TTBK2: variants seen among roughly 807,000 people sequenced by gnomAD.
TTBK2 encodes the protein tau-tubulin kinase 2.
In TTBK2, 28 loss-of-function variants were observed where a neutral mutation model predicts 110.8. The ratio of observed to expected loss-of-function variants is 0.25; its 90% CI spans 0.19 to 0.35. The LOEUF is 0.35. Among genes scored for constraint, TTBK2 ranks in the 10% least tolerant of loss-of-function variants. TTBK2 has a pLI of 1.00. For synonymous variants in TTBK2, 532 were observed against 527.3 expected (o/e 1.01, Z -0.12); for missense variants, 1,369 against 1,500.3 (o/e 0.91, Z 1.45).
chr15:42,820,671 C>T (rs1892250210), intron 6 of TTBK2, among the ~76,000 whole-genome samples: 1 of 151,694 alleles, frequency 6.6e-6, no homozygotes, highest in Non-Finnish European at 1.5e-5. Flanking sequence ...TTATAGTATG[C>T]CCAAATAATG....
chr15:42,830,961 C>T (rs1475776376), intron 4 of TTBK2, among the ~76,000 whole-genome samples: 2 of 151,564 alleles, frequency 1.3e-5, no homozygotes, highest in Admixed American at 6.6e-5. Context: ...GCCAAGATCA[C>T]GCCACCGCAC....
chr15:42,767,654 C>A (rs533884680), intron 13 of TTBK2, among the ~76,000 whole-genome samples: 8 of 152,064 alleles, frequency 5.3e-5, no homozygotes, highest in East Asian at 3.9e-4. Context: ...CAGGACCAGA[C>A]GGATTCATAG....
At chr15:42,899,039 C>T (rs748523659) in intron 1 of TTBK2, among the ~76,000 whole-genome samples, 1 of 152,162 alleles carries the variant, frequency 6.6e-6, no homozygotes, top group Non-Finnish European at 1.5e-5. Flanking sequence ...GTCACCCAGG[C>T]TGGAGTGCTG....
At chr15:42,903,495 G>A (rs926886951) in intron 1 of TTBK2, among the ~76,000 whole-genome samples, 1 of 152,192 alleles carries the variant, frequency 6.6e-6, no homozygotes, top group Non-Finnish European at 1.5e-5. Flanking sequence ...CTCCTCAGAT[G>A]TAACTATAAA....
At chr15:42,813,271 C>T (rs147212044) in intron 7 of TTBK2, among the ~76,000 whole-genome samples, 198 of 152,220 alleles carry the variant, frequency 1.3e-3, no homozygotes, top group African/African-American at 4.7e-3. Flanking sequence ...CCTGTAATCC[C>T]AGCACTTTGG....
intron 6 of TTBK2, among the ~76,000 whole-genome samples, chr15:42,820,687 C>G (rs1320414496): frequency 6.6e-6 from 1 of 151,472 alleles, no homozygotes; most frequent in Non-Finnish European, 1.5e-5. Flanking sequence ...TAATGGAATA[C>G]ACTCTGAAGC....
At chr15:42,760,396 A>C (rs1017326582) in intron 13 of TTBK2, among the ~76,000 whole-genome samples, 29 of 151,298 alleles carry the variant, frequency 1.9e-4, no homozygotes, top group South Asian at 6.2e-4. Flanking sequence ...AAAAAAAAAA[A>C]AAAAAAACAA....
rs1420091324 is a variant in TTBK2 at position 42,777,711 on chromosome 15, A to G, written c.1198-469T>C. On this transcript the variant is annotated intron_variant, in intron 11 of 14. Transcript: ENST00000267890. ...CAACAAAAAGCCTGGGGGCCAGACTACTAAGGAGCTGAGGCAGAGGAGAAG... is the reference window on the plus strand; with the variant it reads ...CAACAAAAAGCCTGGGGGCCAGACTGCTAAGGAGCTGAGGCAGAGGAGAAG... Among the ~76,000 whole-genome samples, 5 of 152,246 alleles carry G rather than the reference A, an allele frequency of 3.3e-5. No individual in the cohort carries two copies. The East Asian group carries it at 9.6e-4, about 29-fold the overall frequency.
intron 14 of TTBK2, among the ~76,000 whole-genome samples, chr15:42,747,751 G>T (rs906013633): frequency 2.6e-5 from 4 of 152,070 alleles, no homozygotes; most frequent in African/African-American, 9.7e-5. Context: ...GGACCCTAGG[G>T]CCCCTCTAAT....
chr15:42,881,163 G>A (rs1895025494), intron 1 of TTBK2, among the ~76,000 whole-genome samples: 1 of 150,992 alleles, frequency 6.6e-6, no homozygotes, highest in African/African-American at 2.4e-5. Flanking sequence ...GGTGCCTATA[G>A]TCCCAGCTAC....
chr15:42,749,678 GAA>G (rs1199975264), intron 14 of TTBK2, among the ~76,000 whole-genome samples: 1 of 152,204 alleles, frequency 6.6e-6, no homozygotes, highest in African/African-American at 2.4e-5. Flanking sequence ...TCCTCTGGCT[GAA>G]GTGACTGCTA....
At chr15:42,855,829 C>T (rs912667270) in intron 3 of TTBK2, among the ~76,000 whole-genome samples, 10 of 152,134 alleles carry the variant, frequency 6.6e-5, no homozygotes, top group Admixed American at 3.3e-4. Context: ...GGACTACAGG[C>T]GCCCGCCACC....
chr15:42,844,675 A>T (rs1219585920), intron 3 of TTBK2, among the ~76,000 whole-genome samples: 2 of 152,232 alleles, frequency 1.3e-5, no homozygotes, highest in Non-Finnish European at 2.9e-5. Context: ...GTATTATTAT[A>T]TTCTCCATTT....
At chr15:42,786,813 G>A (rs1484016296) in intron 10 of TTBK2, among the ~76,000 whole-genome samples, 1 of 147,956 alleles carries the variant, frequency 6.8e-6, no homozygotes, top group East Asian at 2.1e-4. Context: ...CCTGGTTATT[G>A]TTTCTTTTCC....
At chr15:42,765,872 G>C (rs1889342269) in intron 13 of TTBK2, among the ~76,000 whole-genome samples, 1 of 152,120 alleles carries the variant, frequency 6.6e-6, no homozygotes, top group African/African-American at 2.4e-5. Flanking sequence ...CAGAGAGAAA[G>C]GGCCAGGTTA....
At chr15:42,823,311 T>C (rs1470726289) in intron 6 of TTBK2, among the ~76,000 whole-genome samples, 2 of 152,164 alleles carry the variant, frequency 1.3e-5, no homozygotes, top group African/African-American at 2.4e-5. Context: ...AATCATTAGG[T>C]AAACAGAAGT....
At chr15:42,784,682 C>G (rs1890332873) in intron 10 of TTBK2, among the ~76,000 whole-genome samples, 2 of 152,170 alleles carry the variant, frequency 1.3e-5, no homozygotes, top group Admixed American at 1.3e-4. Flanking sequence ...ATTTGGGAAG[C>G]AAGAATGACA....
intron 13 of TTBK2, among the ~76,000 whole-genome samples, chr15:42,766,191 C>A (rs145964981): frequency 1.0e-3 from 157 of 152,086 alleles, no homozygotes; most frequent in African/African-American, 3.7e-3. Flanking sequence ...ACCATCGATG[C>A]TAGGAAGAAA....
rs71108183 is a variant in TTBK2 at position 42,815,958 on chromosome 15, A to AAATATATATATATATATATATATATAT, written c.603+1073_603+1074insATATATATATATATATATATATATATT. Among the ~76,000 whole-genome samples the AAATATATATATATATATATATATATAT allele has an allele frequency of 2.2e-5, 2 of 91,716 alleles. 1 individual carries two copies. The highest frequency in any genetic ancestry group is 1.2e-4 in the African/African-American group (2 of 16,110). 60.2% of individuals were successfully genotyped at this position (91,716 alleles called of 152,430 possible). A position where few individuals can be genotyped will look rare whatever the true frequency, so the allele number is the denominator to read the frequency against. On this transcript the variant is annotated intron_variant, in intron 7 of 14. Transcript: ENST00000267890. Reference sequence around the variant, plus strand: ...TATATATATATATATTTAAAAAAAAAATATATATATATATATATATTTGAG... The same window carrying AAATATATATATATATATATATATATAT: ...TATATATATATATATTTAAAAAAAAAAATATATATATATATATATATATATATATATATATATATATATATATTTGAG...
Sources: gnomAD v4.1 joint callset for allele counts (sites outside exome capture counted in the v4.1 genomes callset) on GRCh38, gnomAD v4.1.1 for gene constraint, MANE v1.5 for transcripts, NCBI Gene and HGNC (gene_info 2026-07-23, HGNC 2026-07-21) for gene names.